Variants in ADCYAP1R1 observed in about 807,000 individuals in gnomAD.
ADCYAP1R1 encodes pituitary adenylate cyclase-activating polypeptide type I receptor.
Under a neutral mutation model 67.6 loss-of-function variants are expected in ADCYAP1R1, and 44 were observed. That is an observed-to-expected ratio of 0.65 (90% CI 0.51 to 0.84). ADCYAP1R1 has a LOEUF of 0.84. Among genes scored for constraint, ADCYAP1R1 ranks in the 40% least tolerant of loss-of-function variants. ADCYAP1R1 has a pLI of 0.00. For synonymous variants in ADCYAP1R1, 222 were observed against 219.6 expected (o/e 1.01, Z -0.10); for missense variants, 477 against 587.9 (o/e 0.81, Z 1.95).
chr7:31,075,821 G>A (rs537563879), intron 3 of ADCYAP1R1, among the ~76,000 whole-genome samples: 87 of 152,280 alleles, frequency 5.7e-4, no homozygotes, highest in African/African-American at 1.9e-3. Flanking sequence ...TGGTCTCAGT[G>A]AGGGGTCCTG....
chr7:31,081,573 T>C (rs1795513707), intron 5 of ADCYAP1R1, 140 bp from the exon 6 acceptor site: 3 of 601,122 alleles, frequency 5.0e-6, no homozygotes, highest in Middle Eastern at 3.6e-4. Context: ...GGCTGCTATG[T>C]GTGATATTGC....
intron 3 of ADCYAP1R1, among the ~76,000 whole-genome samples, chr7:31,065,535 G>C (rs750832771): frequency 6.6e-6 from 1 of 152,112 alleles, no homozygotes; most frequent in Admixed American, 6.6e-5. Context: ...TAACGTCCCC[G>C]ATCCCAATGA....
intron 3 of ADCYAP1R1, among the ~76,000 whole-genome samples, chr7:31,071,585 T>C (rs1794981631): frequency 6.6e-6 from 1 of 152,224 alleles, no homozygotes; most frequent in African/African-American, 2.4e-5. Context: ...TCCTGGCTGC[T>C]GTGTCCCTTG....
intron 13 of ADCYAP1R1, among the ~76,000 whole-genome samples, chr7:31,097,568 C>T (rs1400289907): frequency 6.6e-6 from 1 of 152,174 alleles, no homozygotes; most frequent in Non-Finnish European, 1.5e-5. Flanking sequence ...CTCCCTGACC[C>T]CCATCAGAGC....
chr7:31,067,062 G>A (rs1306837176), intron 3 of ADCYAP1R1, among the ~76,000 whole-genome samples: 1 of 152,326 alleles, frequency 6.6e-6, no homozygotes, highest in African/African-American at 2.4e-5. Flanking sequence ...CTCTGCAACT[G>A]CCCCAGGGGC....
intron 1 of ADCYAP1R1, among the ~76,000 whole-genome samples, chr7:31,060,468 A>C (rs895710795): frequency 4.6e-5 from 7 of 150,898 alleles, no homozygotes; most frequent in Admixed American, 4.6e-4. Flanking sequence ...TCTGTGAAGG[A>C]GTGTGTGTGT....
chr7:31,099,815 T>C (rs531075736), intron 13 of ADCYAP1R1, among the ~76,000 whole-genome samples: 1 of 152,120 alleles, frequency 6.6e-6, no homozygotes, highest in Non-Finnish European at 1.5e-5. Context: ...TCTGGCTCCC[T>C]GTGTGAGACC....
At position 31,086,850 on chromosome 7, in the gene ADCYAP1R1, G is replaced by A. The variant is rs943508496; in HGVS notation, c.824-93G>A. The A allele has an allele frequency of 7.7e-5, 102 of 1,325,536 alleles. No homozygotes were observed. In the African/African-American group the frequency reaches 1.3e-3, roughly 17 times the overall value. The allele number at this position is 1,325,536 out of a possible 1,614,324, so 82.1% of individuals were successfully genotyped here. On this transcript the variant is annotated intron_variant, in intron 10 of 15. Coordinates refer to ENST00000304166, the MANE Select transcript of ADCYAP1R1 (RefSeq NM_001118.5). The surrounding 1 kb of genome is among the most constrained non-coding windows in gnomAD (Gnocchi z 5.0). Reference sequence around the variant, plus strand: ...TCCCAGGAATTCCAAGTCTCATGGGGGAGCAATAGCCTCTCGGAGCCCCAG... The same window carrying A: ...TCCCAGGAATTCCAAGTCTCATGGGAGAGCAATAGCCTCTCGGAGCCCCAG...
In ADCYAP1R1 at chr7:31,075,075, C is replaced by T. The variant is rs571204537; in HGVS notation, c.158-2916C>T. On this transcript the variant is annotated intron_variant, in intron 3 of 15. Coordinates refer to ENST00000304166, the MANE Select transcript of ADCYAP1R1 (RefSeq NM_001118.5). ...GACTGTGAGCTCATGGCGCCTGCTCCAGGCCCCTCCTCTTCCCAGCACCTT... is the reference window on the plus strand; with the variant it reads ...GACTGTGAGCTCATGGCGCCTGCTCTAGGCCCCTCCTCTTCCCAGCACCTT... Among the ~76,000 whole-genome samples the T allele has an allele frequency of 4.6e-5, 7 of 152,322 alleles. No homozygotes were observed. The South Asian group carries it at 1.5e-3, about 32-fold the overall frequency.
Position 31,086,858 on chromosome 7 carries a change from A to G in ADCYAP1R1, c.824-85A>G. On this transcript the variant is annotated intron_variant, in intron 10 of 15. Coordinates refer to ENST00000304166, the MANE Select transcript of ADCYAP1R1 (RefSeq NM_001118.5). The surrounding 1 kb of genome is among the most constrained non-coding windows in gnomAD (Gnocchi z 5.0). Reference sequence around the variant, plus strand: ...ATTCCAAGTCTCATGGGGGAGCAATAGCCTCTCGGAGCCCCAGGTCTACGG... The same window carrying G: ...ATTCCAAGTCTCATGGGGGAGCAATGGCCTCTCGGAGCCCCAGGTCTACGG... 1 of 1,394,004 alleles carries G rather than the reference A, an allele frequency of 7.2e-7. No homozygotes were observed. Among genetic ancestry groups the G allele is most frequent in the Admixed American group, 1.7e-5 (1 of 59,336 alleles). 86.4% of individuals were successfully genotyped at this position (1,394,004 alleles called of 1,614,324 possible). A position where few individuals can be genotyped will look rare whatever the true frequency, so the allele number is the denominator to read the frequency against.
At chr7:31,070,428 C>T (rs922881605) in intron 3 of ADCYAP1R1, among the ~76,000 whole-genome samples, 1 of 152,172 alleles carries the variant, frequency 6.6e-6, no homozygotes, top group African/African-American at 2.4e-5. Context: ...GAAAGGCCTG[C>T]TCATTGCTAT....
chr7:31,085,683 G>A lies in ADCYAP1R1; in HGVS notation c.669+241G>A, dbSNP rs184703783. The stretch of plus-strand genomic sequence containing the variant: ...ATGCTTCCTGTCTCTTGGCCTGGGT[G>A]TTGCATTTGGCAAGGCAGAAGAGGA... On this transcript the variant is annotated intron_variant, in intron 9 of 15. Coordinates refer to ENST00000304166, the MANE Select transcript of ADCYAP1R1 (RefSeq NM_001118.5). Among the ~76,000 whole-genome samples the A allele has an allele frequency of 4.9e-4, 74 of 152,372 alleles. 1 individual carries two copies. Among genetic ancestry groups the A allele is most frequent in the African/African-American group, 1.6e-3 (65 of 41,590 alleles).
intron 5 of ADCYAP1R1, 39 bp downstream of exon 5, chr7:31,080,672 T>C (rs755808175): frequency 6.2e-7 from 1 of 1,610,526 alleles, no homozygotes. Flanking sequence ...GCTGTCTTTC[T>C]GTCCATCCAG....
At chr7:31,101,673 A>T (rs1423238446) in intron 13 of ADCYAP1R1, among the ~76,000 whole-genome samples, 1 of 152,174 alleles carries the variant, frequency 6.6e-6, no homozygotes, top group African/African-American at 2.4e-5. Context: ...CCAAGAGAGA[A>T]TTCAGTTTTG....
rs551879737 is a variant in ADCYAP1R1, at chr7:31,083,174, C to T, written c.329-967C>T. ...ACCAACCACATGTGTCCTGATAGAC[C>T]GGGTACGCTCCCAGTGTCAGGCGGG... On this transcript the variant is annotated intron_variant, in intron 6 of 15. Coordinates refer to ENST00000304166, the MANE Select transcript of ADCYAP1R1 (RefSeq NM_001118.5). Among the ~76,000 whole-genome samples, 8 of 152,348 alleles carry T rather than the reference C, an allele frequency of 5.3e-5. No homozygotes were observed. The South Asian group carries it at 6.2e-4, about 12-fold the overall frequency.
intron 2 of ADCYAP1R1, 119 bp downstream of exon 2, chr7:31,063,434 A>T: frequency 8.9e-7 from 1 of 1,127,432 alleles, no homozygotes. Flanking sequence ...ATTTCTGCCA[A>T]CACCACCACT....
chr7:31,101,539 A>T (rs1584545718), intron 13 of ADCYAP1R1, among the ~76,000 whole-genome samples: 1 of 152,178 alleles, frequency 6.6e-6, no homozygotes, highest in Admixed American at 6.5e-5. Context: ...TCCCCAAGAC[A>T]TCCATGTCCC....
intron 12 of ADCYAP1R1, among the ~76,000 whole-genome samples, chr7:31,089,406 C>T (rs1939301544): frequency 1.4e-5 from 2 of 140,562 alleles, no homozygotes; most frequent in Admixed American, 7.0e-5. Flanking sequence ...GAAAGTTTTT[C>T]ATCTTGGCTT....
At chr7:31,076,023 A>G (rs1443662248) in intron 3 of ADCYAP1R1, among the ~76,000 whole-genome samples, 1 of 152,138 alleles carries the variant, frequency 6.6e-6, no homozygotes, top group Non-Finnish European at 1.5e-5. Context: ...TGAGTCTTGG[A>G]CTGCTGTGTT....
Sources: gnomAD v4.1 joint callset for allele counts (sites outside exome capture counted in the v4.1 genomes callset) on GRCh38, gnomAD v4.1.1 for gene constraint, Gnocchi (gnomAD v3.1) non-coding constraint, MANE v1.5 for transcripts, NCBI Gene and HGNC (gene_info 2026-07-23, HGNC 2026-07-21) for gene names.